SLC22A15: variants seen among roughly 807,000 people sequenced by gnomAD.
SLC22A15 encodes solute carrier family 22 member 15, also known as flipt 1.
SLC22A15 carries 45 observed loss-of-function variants against 62.7 expected under a neutral mutation model. The ratio of observed to expected loss-of-function variants is 0.72; its 90% CI spans 0.56 to 0.92. The LOEUF is 0.92. Ranked by LOEUF, SLC22A15 falls within the 40% of genes least tolerant of loss-of-function variation. SLC22A15 has a pLI of 0.00. For missense variants in SLC22A15, 622 were observed against 665.6 expected (o/e 0.93, Z 0.72); for synonymous variants, 264 against 267.0 (o/e 0.99, Z 0.11).
Position 115,990,682 on chromosome 1 carries a change from T to G in SLC22A15, c.88-1349T>G, listed in dbSNP as rs186914892. Among the ~76,000 whole-genome samples the G allele has an allele frequency of 9.8e-5, 15 of 152,302 alleles. No individual in the cohort carries two copies. In the East Asian group the frequency reaches 2.9e-3, roughly 29 times the overall value. On this transcript the variant is annotated intron_variant, in intron 1 of 11. Transcript: ENST00000369503. Reference sequence around the variant, plus strand: ...TGTACCTCTCCAGAGAGGCCCACCATTGATGGACTCAAAGTAGATTGAGAA... The same window carrying G: ...TGTACCTCTCCAGAGAGGCCCACCAGTGATGGACTCAAAGTAGATTGAGAA...
intron 5 of SLC22A15, 80 bp downstream of exon 5, chr1:116,027,102 T>C (rs2101392239): frequency 7.2e-7 from 1 of 1,389,482 alleles, no homozygotes; most frequent in Non-Finnish European, 1.0e-6. Context: ...ATGAGCAGCA[T>C]TATTCCCTTT....
At chr1:116,036,093 A>G (rs1657620966) in intron 7 of SLC22A15, among the ~76,000 whole-genome samples, 1 of 152,152 alleles carries the variant, frequency 6.6e-6, no homozygotes, top group African/African-American at 2.4e-5. Flanking sequence ...ATTCTGTTAA[A>G]TTGAAGGCTT....
chr1:115,978,545 G>A (rs1389814412), intron 1 of SLC22A15, among the ~76,000 whole-genome samples: 1 of 152,110 alleles, frequency 6.6e-6, no homozygotes, highest in African/African-American at 2.4e-5. Flanking sequence ...CTGTAGCTGT[G>A]CTTATACCAG....
At chr1:116,030,671 G>T (rs1657347616) in intron 5 of SLC22A15, among the ~76,000 whole-genome samples, 1 of 152,128 alleles carries the variant, frequency 6.6e-6, no homozygotes, top group Non-Finnish European at 1.5e-5. Context: ...GTAACTAGAA[G>T]TTGGTCAGGA....
intron 8 of SLC22A15, among the ~76,000 whole-genome samples, chr1:116,041,939 G>GGTTT (rs371828342): frequency 0.042 from 6,397 of 151,720 alleles, 145 homozygotes; most frequent in African/African-American, 0.072. Context: ...GGAAAACCCT[G>GGTTT]GTTTGTTTGT....
intron 2 of SLC22A15, among the ~76,000 whole-genome samples, chr1:116,007,259 C>G (rs937033938): frequency 1.3e-5 from 2 of 152,174 alleles, no homozygotes; most frequent in Admixed American, 6.5e-5. Context: ...CCCTGCTGCA[C>G]AGTTAGATGA....
chr1:116,045,568 G>T (rs374721474), intron 8 of SLC22A15, among the ~76,000 whole-genome samples: 1 of 150,806 alleles, frequency 6.6e-6, no homozygotes, highest in Non-Finnish European at 1.5e-5. Context: ...GTGAAACCCC[G>T]TCTCTACTAA....
chr1:116,061,000 G>A (rs1457149513), intron 8 of SLC22A15, among the ~76,000 whole-genome samples: 1 of 152,022 alleles, frequency 6.6e-6, no homozygotes, highest in Non-Finnish European at 1.5e-5. Context: ...TTTTGGACTG[G>A]GGCATGTCTA....
chr1:116,063,563 T>G (rs1159924073), intron 9 of SLC22A15, among the ~76,000 whole-genome samples: 2 of 152,196 alleles, frequency 1.3e-5, no homozygotes, highest in African/African-American at 4.8e-5. Context: ...ATCCTTCTCC[T>G]TCCCTTATCC....
At chr1:115,981,376 C>G (rs1654601194) in intron 1 of SLC22A15, among the ~76,000 whole-genome samples, 1 of 152,182 alleles carries the variant, frequency 6.6e-6, no homozygotes, top group South Asian at 2.1e-4. Context: ...TATGCAGCTC[C>G]TACTGTCAAA....
At chr1:116,027,594 T>C (rs1657159342) in intron 5 of SLC22A15, among the ~76,000 whole-genome samples, 1 of 151,822 alleles carries the variant, frequency 6.6e-6, no homozygotes. Context: ...CTAAGACACA[T>C]AGATGTTACA....
At chr1:116,060,512 C>T (rs1658354285) in intron 8 of SLC22A15, among the ~76,000 whole-genome samples, 1 of 152,150 alleles carries the variant, frequency 6.6e-6, no homozygotes, top group Non-Finnish European at 1.5e-5. Flanking sequence ...GATGGCAGTT[C>T]TTTAGCCTGT....
chr1:115,989,839 G>A (rs1016118349), intron 1 of SLC22A15, among the ~76,000 whole-genome samples: 1 of 151,612 alleles, frequency 6.6e-6, no homozygotes, highest in African/African-American at 2.4e-5. Context: ...ATAGTGCCTC[G>A]CACATAGTTA....
chr1:115,999,576 T>C (rs547271098), intron 2 of SLC22A15, among the ~76,000 whole-genome samples: 1 of 151,840 alleles, frequency 6.6e-6, no homozygotes, highest in South Asian at 2.1e-4. Context: ...TGATCTCAGC[T>C]TACTGCAACC....
intron 2 of SLC22A15, 139 bp from the exon 3 acceptor site, chr1:116,019,443 T>C: frequency 1.3e-6 from 1 of 790,058 alleles, no homozygotes. Context: ...TTGTCTGAGA[T>C]AGACAAATTC....
intron 1 of SLC22A15, among the ~76,000 whole-genome samples, chr1:115,978,184 C>G (rs1023139482): frequency 6.6e-5 from 10 of 152,100 alleles, no homozygotes; most frequent in African/African-American, 2.2e-4. Flanking sequence ...CTTTCTTGAA[C>G]AATCCCAGCT....
chr1:116,062,190 C>A (rs1420909712), intron 8 of SLC22A15, among the ~76,000 whole-genome samples: 6 of 152,120 alleles, frequency 3.9e-5, no homozygotes, highest in African/African-American at 1.4e-4. Context: ...GCCTGGGAGA[C>A]AAGAGCAAGA....
At chr1:116,024,939 A>T (rs779662016) in intron 4 of SLC22A15, among the ~76,000 whole-genome samples, 2 of 152,182 alleles carry the variant, frequency 1.3e-5, no homozygotes, top group African/African-American at 2.4e-5. Flanking sequence ...TCTTGGAATT[A>T]GGAAGGAGAA....
chr1:116,057,903 G>T (rs954484472), intron 8 of SLC22A15, among the ~76,000 whole-genome samples: 15 of 152,212 alleles, frequency 9.9e-5, no homozygotes, highest in African/African-American at 3.6e-4. Flanking sequence ...TCTGGGGACT[G>T]TTGTTGGGTG....
Sources: gnomAD v4.1 joint callset for allele counts (sites outside exome capture counted in the v4.1 genomes callset) on GRCh38, gnomAD v4.1.1 for gene constraint, MANE v1.5 for transcripts, NCBI Gene and HGNC (gene_info 2026-07-23, HGNC 2026-07-21) for gene names.